BTF3L4: variants seen among roughly 807,000 people sequenced by gnomAD.
BTF3L4 encodes basic transcription factor 3 like 4.
In BTF3L4, 6 loss-of-function variants were observed where a neutral mutation model predicts 16.8. That is an observed-to-expected ratio of 0.36 (90% confidence interval 0.20 to 0.71). The LOEUF (loss-of-function observed/expected upper bound fraction) is 0.71, where lower values mean the gene tolerates loss of function less well. Among genes scored for constraint, BTF3L4 ranks in the 30% least tolerant of loss-of-function variants. The pLI, the probability that BTF3L4 is intolerant of heterozygous loss-of-function variation, is 0.58. For missense variants in BTF3L4, 92 were observed against 186.9 expected, an observed-to-expected ratio of 0.49 and a Z score of 2.96; for synonymous variants, 39 against 59.8, an observed-to-expected ratio of 0.65 and a Z score of 1.60.
At chr1:52,067,216 A>T (rs1558005950) in intron 3 of BTF3L4, among the ~76,000 whole-genome samples, 1 of 152,206 alleles carries the variant, frequency 6.6e-6, no homozygotes, top group African/African-American at 2.4e-5. Context: ...CTGAAAAAAA[A>T]TAATAATAAT....
At chr1:52,072,126 C>T (rs1053616002) in intron 3 of BTF3L4, among the ~76,000 whole-genome samples, 57 of 151,022 alleles carry the variant, frequency 3.8e-4, no homozygotes, top group Admixed American at 4.6e-4. Context: ...GCGATCTCGG[C>T]TCACTGCAAG....
intron 3 of BTF3L4, among the ~76,000 whole-genome samples, chr1:52,074,439 A>C (rs1426018073): frequency 1.3e-5 from 2 of 151,384 alleles, no homozygotes; most frequent in Non-Finnish European, 2.9e-5. Context: ...TCTCGGCTCA[A>C]CACAACCTTG....
At chr1:52,065,867 G>A (rs1686635609) in intron 3 of BTF3L4, among the ~76,000 whole-genome samples, 1 of 152,076 alleles carries the variant, frequency 6.6e-6, no homozygotes, top group Admixed American at 6.5e-5. Flanking sequence ...GTGAAACCCT[G>A]TCTCTACTAA....
intron 3 of BTF3L4, among the ~76,000 whole-genome samples, chr1:52,071,801 C>T (rs936583086): frequency 1.3e-5 from 2 of 152,044 alleles, no homozygotes; most frequent in Non-Finnish European, 2.9e-5. Flanking sequence ...CTCAGGTGCC[C>T]ATAGATAGAC....
Position 52,083,357 on chromosome 1 carries a change from T to A in BTF3L4, c.186T>A (p.Asp62Glu). 1 of 1,613,086 alleles carries A rather than the reference T, an allele frequency of 6.2e-7. No homozygotes were observed. The highest frequency in any genetic ancestry group is 1.7e-4 in the Middle Eastern group (1 of 6,030). ...AGIEEVNMIK[D>E]DGTVIHFNNP... ...TCATACAGGTGAACATGATTAAAGA[T>A]GATGGGACAGTTATTCATTTCAACA... Residue 62 changes from aspartate to glutamate, a missense_variant, in exon 4 of 6, where the codon GAT becomes GAA. Transcript: ENST00000313334.
At chr1:52,082,795 T>A (rs548358510) in intron 3 of BTF3L4, among the ~76,000 whole-genome samples, 1 of 152,144 alleles carries the variant, frequency 6.6e-6, no homozygotes, top group South Asian at 2.1e-4. Context: ...AATGGCATGA[T>A]TAGAACAAGT....
At chr1:52,062,097 C>T (rs1243279246) in intron 2 of BTF3L4, among the ~76,000 whole-genome samples, 2 of 151,224 alleles carry the variant, frequency 1.3e-5, no homozygotes, top group South Asian at 2.1e-4. Flanking sequence ...CCAGCATGCC[C>T]GGCTAATTTT....
At position 52,086,767 on chromosome 1, in the gene BTF3L4, T is replaced by G. The variant is rs1304552313; in HGVS notation, c.*9T>G. The stretch of plus-strand genomic sequence containing the variant: ...AGAATGAAGCTAACTAAAAGTTTGG[T>G]TTTTGGAAGCTGGCATGGACTAGAT... On this transcript the variant is annotated 3_prime_UTR_variant, in exon 6 of 6. Transcript: ENST00000313334. The G allele has an allele frequency of 1.3e-6, 2 of 1,588,860 alleles. No individual in the cohort carries two copies. The highest frequency in any genetic ancestry group is 1.4e-5 in the African/African-American group (1 of 73,902).
At chr1:52,083,112 T>C (rs1643940245) in intron 3 of BTF3L4, among the ~76,000 whole-genome samples, 1 of 152,202 alleles carries the variant, frequency 6.6e-6, no homozygotes, top group African/African-American at 2.4e-5. Flanking sequence ...ATCTAGATTC[T>C]ATAATGAATT....
At chr1:52,062,043 TCTC>T (rs1435557277) in intron 2 of BTF3L4, among the ~76,000 whole-genome samples, 5 of 151,588 alleles carry the variant, frequency 3.3e-5, no homozygotes, top group African/African-American at 1.2e-4. Flanking sequence ...TTCATGTCAT[TCTC>T]CTGCCTCAGC....
chr1:52,066,197 G>T (rs1558005513), intron 3 of BTF3L4, among the ~76,000 whole-genome samples: 2 of 151,362 alleles, frequency 1.3e-5, no homozygotes, highest in African/African-American at 4.8e-5. Flanking sequence ...GATTCCATTT[G>T]TTTTTTTGTT....
intron 1 of BTF3L4, among the ~76,000 whole-genome samples, chr1:52,056,885 C>T (rs1045813939): frequency 5.3e-5 from 8 of 152,284 alleles, no homozygotes; most frequent in African/African-American, 1.9e-4. Flanking sequence ...ATCTTTATAA[C>T]CCCCCTCCCA....
chr1:52,060,419 C>T, intron 2 of BTF3L4: 3 of 1,236,962 alleles, frequency 2.4e-6, no homozygotes, highest in Non-Finnish European at 3.2e-6. Flanking sequence ...ATATTTTGTT[C>T]ATTGCCAGGT....
At chr1:52,060,067 C>CA (rs751296847) in intron 2 of BTF3L4, among the ~76,000 whole-genome samples, 166 bp downstream of exon 2, 1 of 152,172 alleles carries the variant, frequency 6.6e-6, no homozygotes, top group African/African-American at 2.4e-5. Context: ...GTAACTAGAA[C>CA]ACTTTTCTCT....
intron 3 of BTF3L4, among the ~76,000 whole-genome samples, chr1:52,066,330 T>C (rs1354010757): frequency 1.3e-5 from 2 of 151,276 alleles, no homozygotes; most frequent in African/African-American, 4.8e-5. Flanking sequence ...TAGCTGGGAT[T>C]ACAGGCGCCC....
chr1:52,079,676 A>G (rs1029818258), intron 3 of BTF3L4, among the ~76,000 whole-genome samples: 2 of 152,094 alleles, frequency 1.3e-5, no homozygotes, highest in Non-Finnish European at 2.9e-5. Context: ...AAACTTGAAC[A>G]TAAGAAAAAA....
intron 1 of BTF3L4, among the ~76,000 whole-genome samples, chr1:52,057,050 G>T (rs1558002235): frequency 1.3e-5 from 2 of 152,150 alleles, no homozygotes; most frequent in Non-Finnish European, 2.9e-5. Flanking sequence ...ATTCCCTGTG[G>T]TTGATAATGT....
At chr1:52,086,197 G>T (rs1451504325) in intron 5 of BTF3L4, 26 bp downstream of exon 5, 1 of 1,566,830 alleles carries the variant, frequency 6.4e-7, no homozygotes, top group South Asian at 1.1e-5. Context: ...TTAGACTTAA[G>T]ATTTTAAGCA....
intron 3 of BTF3L4, among the ~76,000 whole-genome samples, chr1:52,073,529 C>CACAT (rs1553239841): frequency 1.4e-4 from 20 of 143,462 alleles, no homozygotes; most frequent in Non-Finnish European, 3.0e-5. Flanking sequence ...CACACACACA[C>CACAT]ATATGATTAC....
Sources: allele counts gnomAD v4.1 joint callset (sites outside exome capture counted in the v4.1 genomes callset), GRCh38; gene constraint gnomAD v4.1.1; transcripts MANE v1.5; gene names NCBI Gene and HGNC (gene_info 2026-07-23, HGNC 2026-07-21).